SLC35F4: variants seen among roughly 807,000 people sequenced by gnomAD.
SLC35F4 encodes chromosome 14 open reading frame 36.
Under a neutral mutation model 44.2 loss-of-function variants are expected in SLC35F4, and 24 were observed. The ratio of observed to expected loss-of-function variants is 0.54; its 90% confidence interval spans 0.39 to 0.76. The LOEUF (loss-of-function observed/expected upper bound fraction) is 0.76, where lower values mean the gene tolerates loss of function less well. Among genes scored for constraint, SLC35F4 ranks in the 30% least tolerant of loss-of-function variants. The pLI, the probability that SLC35F4 is intolerant of heterozygous loss-of-function variation, is 0.00. For missense variants in SLC35F4, 562 were observed against 586.1 expected, an observed-to-expected ratio of 0.96 and a Z score of 0.42; for synonymous variants, 238 against 223.6, an observed-to-expected ratio of 1.06 and a Z score of -0.57.
intron 1 of SLC35F4, among the ~76,000 whole-genome samples, chr14:57,958,367 A>C (rs1890279693): frequency 6.6e-6 from 1 of 152,184 alleles, no homozygotes; most frequent in South Asian, 2.1e-4. Context: ...AATTAGATGA[A>C]TGTTGAAAAC....
intron 1 of SLC35F4, among the ~76,000 whole-genome samples, chr14:57,763,895 A>G (rs1419860886): frequency 6.6e-6 from 1 of 152,194 alleles, no homozygotes; most frequent in East Asian, 1.9e-4. Context: ...AAACCTCAGC[A>G]GACTTTAGTG....
chr14:57,744,570 TA>T (rs2076705293), intron 1 of SLC35F4, among the ~76,000 whole-genome samples: 1 of 151,912 alleles, frequency 6.6e-6, no homozygotes, highest in South Asian at 2.1e-4. Flanking sequence ...CTCAATGAAA[TA>T]AAAGAGGATA....
intron 1 of SLC35F4, among the ~76,000 whole-genome samples, chr14:57,763,276 G>A (rs2077165174): frequency 6.6e-6 from 1 of 152,100 alleles, no homozygotes; most frequent in African/African-American, 2.4e-5. Context: ...GAGATACCTT[G>A]ATGTTTCAAG....
At chr14:57,790,173 T>C (rs891758302) in intron 1 of SLC35F4, among the ~76,000 whole-genome samples, 4 of 152,034 alleles carry the variant, frequency 2.6e-5, no homozygotes, top group Non-Finnish European at 4.4e-5. Flanking sequence ...AGAAAAATGG[T>C]ATTCACATAG....
chr14:57,707,879 C>T (rs1302200256), intron 1 of SLC35F4, among the ~76,000 whole-genome samples: 1 of 152,192 alleles, frequency 6.6e-6, no homozygotes, highest in Non-Finnish European at 1.5e-5. Flanking sequence ...TGTCCTTGTT[C>T]ATTCCTTGGT....
intron 1 of SLC35F4, among the ~76,000 whole-genome samples, chr14:57,730,944 C>T (rs754305558): frequency 2.0e-5 from 3 of 152,102 alleles, no homozygotes; most frequent in Non-Finnish European, 2.9e-5. Context: ...TCAGAATGCG[C>T]CCTGTGTTAG....
At chr14:57,733,023 T>C (rs1211317802) in intron 1 of SLC35F4, among the ~76,000 whole-genome samples, 2 of 152,040 alleles carry the variant, frequency 1.3e-5, no homozygotes, top group Non-Finnish European at 2.9e-5. Context: ...TGTATAAATG[T>C]GTAAATATGA....
chr14:57,887,644 G>T (rs975973030), intron 1 of SLC35F4, among the ~76,000 whole-genome samples: 4 of 152,086 alleles, frequency 2.6e-5, no homozygotes, highest in African/African-American at 7.2e-5. Flanking sequence ...GGAATTTTGG[G>T]TCCCTTTTCT....
intron 1 of SLC35F4, among the ~76,000 whole-genome samples, chr14:57,716,251 T>C (rs1052820458): frequency 1.9e-4 from 29 of 151,890 alleles, no homozygotes; most frequent in African/African-American, 6.5e-4. Flanking sequence ...CAAATTCCTA[T>C]CTTAACAAGT....
intron 1 of SLC35F4, among the ~76,000 whole-genome samples, chr14:57,601,857 G>A (rs969524037): frequency 3.3e-5 from 5 of 152,102 alleles, no homozygotes; most frequent in African/African-American, 9.7e-5. Flanking sequence ...CAATACTTGT[G>A]GGTGTATTTT....
chr14:57,777,872 A>C (rs559790943), intron 1 of SLC35F4, among the ~76,000 whole-genome samples: 1 of 152,264 alleles, frequency 6.6e-6, no homozygotes, highest in Non-Finnish European at 1.5e-5. Context: ...TCTCACATGG[A>C]ATGACACCCA....
Position 57,563,990 on chromosome 14 carries a change from A to C in SLC35F4, c.*145T>G. 1.2e-6 allele frequency: 1 copy of C among 853,094 alleles called. No homozygotes were observed. The highest frequency in any genetic ancestry group is 3.7e-4 in the Middle Eastern group (1 of 2,716). 52.8% of individuals were successfully genotyped at this position (853,094 alleles called of 1,614,324 possible). A position where few individuals can be genotyped will look rare whatever the true frequency, so the allele number is the denominator to read the frequency against. Reference sequence around the variant, plus strand: ...ACACCAATTCCTTGATAAGCATATAAATGTAAACTTTTATTGTTGGCATTA... The same window carrying C: ...ACACCAATTCCTTGATAAGCATATACATGTAAACTTTTATTGTTGGCATTA... On this transcript the variant is annotated 3_prime_UTR_variant, in exon 8 of 8. Transcript: ENST00000556826.
intron 1 of SLC35F4, among the ~76,000 whole-genome samples, chr14:57,809,172 A>G (rs1284579722): frequency 1.3e-5 from 2 of 152,186 alleles, no homozygotes; most frequent in African/African-American, 4.8e-5. Flanking sequence ...AGTTTCACCT[A>G]AGCAATAACA....
rs369149484 is a variant in SLC35F4, at chr14:57,858,258, T to C, written c.103+7465A>G. On this transcript the variant is annotated intron_variant, in intron 1 of 7. Transcript: ENST00000556826. Reference sequence around the variant, plus strand: ...ATGTTTATTGTGGCACTATTCACAATAGCAAAGACTCGGAACCAACCCAAA... The same window carrying C: ...ATGTTTATTGTGGCACTATTCACAACAGCAAAGACTCGGAACCAACCCAAA... Among the ~76,000 whole-genome samples the C allele has an allele frequency of 4.6e-5, 7 of 151,932 alleles. No individual in the cohort carries two copies. In the East Asian group the frequency reaches 9.7e-4, roughly 21 times the overall value.
rs11343420 is a variant in SLC35F4, at chr14:57,844,941, A to AC, written c.103+20781dup. On this transcript the variant is annotated intron_variant, in intron 1 of 7. Coordinates refer to ENST00000556826, the MANE Select transcript of SLC35F4 (RefSeq NM_001306087.2). ...TCTCTCTGTCTCTGTCTCTTCCCCCACCCCCCCATGCACATACAAAATCTT... is the reference window on the plus strand; with the variant it reads ...TCTCTCTGTCTCTGTCTCTTCCCCCACCCCCCCCATGCACATACAAAATCTT... Among the ~76,000 whole-genome samples the AC allele has an allele frequency of 9.0e-5, 13 of 145,212 alleles. No individual in the cohort carries two copies. The East Asian group carries it at 1.0e-3, about 11-fold the overall frequency.
At chr14:57,703,426 A>T (rs74916750) in intron 1 of SLC35F4, among the ~76,000 whole-genome samples, 1 of 152,184 alleles carries the variant, frequency 6.6e-6, no homozygotes, top group Non-Finnish European at 1.5e-5. Context: ...ATCCTCAAAC[A>T]TGCTGCTCCC....
At chr14:57,708,639 T>C (rs2075737754) in intron 1 of SLC35F4, among the ~76,000 whole-genome samples, 1 of 152,090 alleles carries the variant, frequency 6.6e-6, no homozygotes, top group Non-Finnish European at 1.5e-5. Context: ...GGTAGGTTTT[T>C]CTCCCCATGT....
At chr14:57,761,082 C>T (rs1400697925) in intron 1 of SLC35F4, among the ~76,000 whole-genome samples, 2 of 152,172 alleles carry the variant, frequency 1.3e-5, no homozygotes, top group Admixed American at 1.3e-4. Context: ...ACAGGAAACT[C>T]TCTCTCCAGG....
rs111247268 is a variant in SLC35F4, at chr14:57,656,674, G to A, written c.104-62550C>T. 2.7e-3 allele frequency among the ~76,000 whole-genome samples: 404 copies of A among 152,114 alleles called. 5 individuals carry two copies. The highest frequency in any genetic ancestry group is 0.014 in the Middle Eastern group (4 of 294). On this transcript the variant is annotated intron_variant, in intron 1 of 7. Transcript: ENST00000556826. ...CTCTGTAAAGTGGGGATAACAGGAC[G>A]TACCTCAACACCTAACAGCAACTGG...
Sources: allele counts gnomAD v4.1 joint callset (sites outside exome capture counted in the v4.1 genomes callset), GRCh38; gene constraint gnomAD v4.1.1; transcripts MANE v1.5; gene names NCBI Gene and HGNC (gene_info 2026-07-23, HGNC 2026-07-21).